CPED1: variants seen among roughly 807,000 people sequenced by gnomAD.
CPED1 encodes cadherin like and PC-esterase domain containing 1.
A neutral mutation model predicts 128.2 loss-of-function variants in CPED1; 114 were observed. That is an observed-to-expected ratio of 0.89 (90% confidence interval 0.76 to 1.04). The LOEUF (loss-of-function observed/expected upper bound fraction) is 1.04. CPED1 is among the 50% of genes least tolerant of loss of function. The probability of loss-of-function intolerance (pLI) is 0.00; values close to 1 mark genes in which losing one functional copy is unlikely to be tolerated. For synonymous variants in CPED1, 462 were observed against 426.7 expected, an observed-to-expected ratio of 1.08 and a Z score of -1.02; for missense variants, 1,211 against 1,207.1, an observed-to-expected ratio of 1.00 and a Z score of -0.05.
chr7:121,174,173 T>C (rs1796721776), intron 16 of CPED1, among the ~76,000 whole-genome samples: 1 of 152,042 alleles, frequency 6.6e-6, no homozygotes. Flanking sequence ...CTGTGAGGTG[T>C]CTGTTTACTC....
intron 2 of CPED1, among the ~76,000 whole-genome samples, chr7:121,010,313 A>G (rs911890887): frequency 7.9e-5 from 12 of 152,058 alleles, no homozygotes; most frequent in African/African-American, 2.7e-4. Context: ...GTGCAGTGGC[A>G]CGATCTCAGC....
intron 22 of CPED1, among the ~76,000 whole-genome samples, chr7:121,280,737 T>C (rs1306300010): frequency 6.6e-6 from 1 of 151,978 alleles, no homozygotes; most frequent in Non-Finnish European, 1.5e-5. Context: ...CATGATGTCC[T>C]GAAGTGAAAT....
chr7:121,019,150 A>T (rs775779097), intron 3 of CPED1, among the ~76,000 whole-genome samples: 7 of 152,068 alleles, frequency 4.6e-5, no homozygotes, highest in Non-Finnish European at 8.8e-5. Context: ...CGAGTCCTAC[A>T]TTAGAATATG....
chr7:121,060,295 C>T (rs1444178284), intron 4 of CPED1, among the ~76,000 whole-genome samples: 1 of 152,268 alleles, frequency 6.6e-6, no homozygotes, highest in African/African-American at 2.4e-5. Context: ...CCAGTCCCAT[C>T]GACCACCCAA....
chr7:121,263,037 T>C (rs1239351102), intron 18 of CPED1, among the ~76,000 whole-genome samples: 2 of 152,054 alleles, frequency 1.3e-5, no homozygotes, highest in African/African-American at 4.8e-5. Context: ...CCTCTAGAAA[T>C]CCCAGAGCTA....
At chr7:121,142,208 C>A in intron 16 of CPED1, 67 bp downstream of exon 16, 2 of 1,348,386 alleles carry the variant, frequency 1.5e-6, no homozygotes, top group Non-Finnish European at 2.0e-6. Flanking sequence ...GCGGAAAATG[C>A]CAAATGAAAA....
At chr7:121,009,077 C>A (rs539453484) in intron 2 of CPED1, among the ~76,000 whole-genome samples, 3 of 152,084 alleles carry the variant, frequency 2.0e-5, no homozygotes, top group African/African-American at 7.2e-5. Flanking sequence ...TGGGTTTATC[C>A]TAGTTTATTA....
intron 16 of CPED1, among the ~76,000 whole-genome samples, chr7:121,192,091 G>T (rs557411228): frequency 2.4e-4 from 37 of 152,172 alleles, no homozygotes; most frequent in Non-Finnish European, 4.9e-4. Flanking sequence ...GTGAAGCTTT[G>T]CCATTATATT....
intron 21 of CPED1, among the ~76,000 whole-genome samples, chr7:121,270,134 T>C (rs1792204485): frequency 6.6e-6 from 1 of 152,032 alleles, no homozygotes; most frequent in Non-Finnish European, 1.5e-5. Flanking sequence ...CCACTAAGCC[T>C]CACCTCCAAC....
At chr7:121,007,533 G>T (rs753530418) in intron 2 of CPED1, among the ~76,000 whole-genome samples, 2 of 152,078 alleles carry the variant, frequency 1.3e-5, no homozygotes, top group South Asian at 2.1e-4. Flanking sequence ...GGCAACTAAG[G>T]CATTACAGCA....
At chr7:121,257,348 G>C (rs1029252749) in intron 18 of CPED1, among the ~76,000 whole-genome samples, 1 of 152,022 alleles carries the variant, frequency 6.6e-6, no homozygotes, top group African/African-American at 2.4e-5. Context: ...AAGCATAGTT[G>C]GTTAAGCATG....
At chr7:121,064,067 G>T (rs1046308994) in intron 4 of CPED1, among the ~76,000 whole-genome samples, 171 bp from the exon 5 acceptor site, 1 of 152,134 alleles carries the variant, frequency 6.6e-6, no homozygotes, top group Non-Finnish European at 1.5e-5. Flanking sequence ...TATCAAATAA[G>T]CTACTTCATT....
At chr7:121,169,010 A>G (rs1584564936) in intron 16 of CPED1, among the ~76,000 whole-genome samples, 1 of 152,240 alleles carries the variant, frequency 6.6e-6, no homozygotes, top group Admixed American at 6.5e-5. Flanking sequence ...CAGGAACCTA[A>G]TATTCAAATA....
At chr7:121,096,824 G>A (rs953475186) in intron 5 of CPED1, among the ~76,000 whole-genome samples, 2 of 151,874 alleles carry the variant, frequency 1.3e-5, no homozygotes, top group South Asian at 2.1e-4. Flanking sequence ...GTATAAATAA[G>A]CCAGACATAT....
At chr7:121,042,462 T>C (rs529257330) in intron 3 of CPED1, among the ~76,000 whole-genome samples, 30 of 152,208 alleles carry the variant, frequency 2.0e-4, no homozygotes, top group African/African-American at 7.0e-4. Flanking sequence ...TGTAATAACA[T>C]GTAATAATTG....
At chr7:121,072,549 G>A (rs1037555948) in intron 5 of CPED1, among the ~76,000 whole-genome samples, 1 of 152,060 alleles carries the variant, frequency 6.6e-6, no homozygotes, top group African/African-American at 2.4e-5. Context: ...TGATCAGGAT[G>A]TATTTTTAAA....
At chr7:121,128,236 G>T in intron 10 of CPED1, 146 bp from the exon 11 acceptor site, 1 of 570,250 alleles carries the variant, frequency 1.8e-6, no homozygotes. Context: ...GTGACAAGTT[G>T]AAGTTGCTAT....
At chr7:121,227,133 C>T (rs1309444337) in intron 16 of CPED1, among the ~76,000 whole-genome samples, 2 of 151,988 alleles carry the variant, frequency 1.3e-5, no homozygotes, top group East Asian at 3.9e-4. Context: ...TTCCAGTGCC[C>T]CAAATATCCA....
chr7:121,039,308 C>T (rs1039587528), intron 3 of CPED1, among the ~76,000 whole-genome samples: 3 of 151,958 alleles, frequency 2.0e-5, no homozygotes, highest in African/African-American at 7.2e-5. Context: ...TTCAGTGTGT[C>T]TTCGACGTAC....
Sources: gnomAD v4.1 joint callset for allele counts (sites outside exome capture counted in the v4.1 genomes callset) on GRCh38, gnomAD v4.1.1 for gene constraint, MANE v1.5 for transcripts, NCBI Gene and HGNC (gene_info 2026-07-23, HGNC 2026-07-21) for gene names.